Variants in SYNE3 observed in about 807,000 individuals in gnomAD.
SYNE3 encodes spectrin repeat containing nuclear envelope family member 3, also known as nesprin-3.
A neutral mutation model predicts 111.2 loss-of-function variants in SYNE3; 100 were observed. That is an observed-to-expected ratio of 0.90 (90% CI 0.77 to 1.06). The LOEUF (loss-of-function observed/expected upper bound fraction) is 1.06. Among genes scored for constraint, SYNE3 ranks in the 50% least tolerant of loss-of-function variants. The pLI, the probability that SYNE3 is intolerant of heterozygous loss-of-function variation, is 0.00. For missense variants in SYNE3, 1,160 were observed against 1,240.3 expected (o/e 0.94, Z 0.97); for synonymous variants, 547 against 533.9 (o/e 1.02, Z -0.34).
At chr14:95,492,721 TAA>T (rs768784344) in intron 1 of SYNE3, among the ~76,000 whole-genome samples, 2 of 152,164 alleles carry the variant, frequency 1.3e-5, no homozygotes, top group Non-Finnish European at 2.9e-5. Context: ...GTGAATATAC[TAA>T]GAGGCATTGA....
At chr14:95,476,143 T>C (rs1227083417) in intron 1 of SYNE3, among the ~76,000 whole-genome samples, 1 of 152,260 alleles carries the variant, frequency 6.6e-6, no homozygotes, top group Non-Finnish European at 1.5e-5. Flanking sequence ...CTCGTCTGTC[T>C]ATTCAGATTG....
At chr14:95,462,932 G>A (rs772326035) in intron 4 of SYNE3, among the ~76,000 whole-genome samples, 1 of 152,190 alleles carries the variant, frequency 6.6e-6, no homozygotes, top group African/African-American at 2.4e-5. Flanking sequence ...GGCCAAGGCG[G>A]ATCACCTGAG....
intron 17 of SYNE3, chr14:95,429,836 C>CT (rs1885645689): frequency 4.3e-6 from 3 of 699,030 alleles, no homozygotes; most frequent in Non-Finnish European, 5.3e-6. Context: ...GAGATTCCCA[C>CT]TGTGCTACTG....
chr14:95,454,070 T>G (rs987173274), intron 6 of SYNE3, among the ~76,000 whole-genome samples: 16 of 152,240 alleles, frequency 1.1e-4, no homozygotes, highest in African/African-American at 3.1e-4. Flanking sequence ...ACTTCAACCT[T>G]TGCTGCAAAC....
chr14:95,455,371 G>C lies in SYNE3; in HGVS notation c.1137+6C>G, dbSNP rs754356603. 6 of 1,524,188 alleles carry C rather than the reference G, an allele frequency of 3.9e-6. No individual in the cohort carries two copies. The highest frequency in any genetic ancestry group is 5.3e-6 in the Non-Finnish European group (6 of 1,136,764). 94.4% of individuals were successfully genotyped at this position (1,524,188 alleles called of 1,614,324 possible). A position where few individuals can be genotyped will look rare whatever the true frequency, so the allele number is the denominator to read the frequency against. On this transcript the variant is annotated splice_donor_region_variant and intron_variant, in intron 6 of 17. Coordinates refer to ENST00000682763, the MANE Select transcript of SYNE3 (RefSeq NM_152592.6). Reference sequence around the variant, plus strand: ...TGGGCTCCATGACTCGGCCAAGCACGCTTACCGAGTAGCGTCTCCAGTGTG... The same window carrying C: ...TGGGCTCCATGACTCGGCCAAGCACCCTTACCGAGTAGCGTCTCCAGTGTG...
In SYNE3 at chr14:95,466,039, C is replaced by A; in HGVS notation, c.519G>T (p.Leu173=). 6.2e-7 allele frequency: 1 copy of A among 1,612,778 alleles called. No homozygotes were observed. The highest frequency in any genetic ancestry group is 8.5e-7 in the Non-Finnish European group (1 of 1,178,838). The change falls in exon 4 of 18, where the codon CTG becomes CTT. Residue 173 remains leucine, a synonymous_variant. Transcript: ENST00000682763. ...VDNQAVLLDR[L]LEEAASLFNR... is the part of the protein sequence containing the mutation. ...TGAACAGGGAGGCTGCCTCCTCCAGCAGCCGGTCCAGGAGCACCGCCTGGT... is the reference window on the plus strand; with the variant it reads ...TGAACAGGGAGGCTGCCTCCTCCAGAAGCCGGTCCAGGAGCACCGCCTGGT...
rs773420568 is a variant in SYNE3 at position 95,467,858 on chromosome 14, G to A, written c.254C>T (p.Ala85Val). ...TTGGGCCTTGATGTCCTTCAGCCGG[G>A]CCAGGATCCCGGGCTTCTGGTCCCC... ...CPGDQKPGIL[A>V]RLKDIKAQWE... Residue 85 changes from alanine (A) to valine (V), a missense_variant, in exon 3 of 18, where the codon GCC (alanine) becomes GTC (valine). Physicochemically the swap from Ala to Val is moderately conservative, Grantham distance 64. Transcript: ENST00000682763. 1.1e-5 allele frequency: 18 copies of A among 1,614,072 alleles called. No individual in the cohort carries two copies. Among genetic ancestry groups the A allele is most frequent in the Non-Finnish European group, 1.5e-5 (18 of 1,180,042 alleles).
At chr14:95,464,587 T>C (rs1888045688) in intron 4 of SYNE3, among the ~76,000 whole-genome samples, 1 of 152,256 alleles carries the variant, frequency 6.6e-6, no homozygotes, top group African/African-American at 2.4e-5. Flanking sequence ...TGATTCTGGC[T>C]TGGGGTTCAC....
intron 16 of SYNE3, among the ~76,000 whole-genome samples, chr14:95,432,541 C>T (rs1166290692): frequency 6.6e-6 from 1 of 152,140 alleles, no homozygotes; most frequent in Non-Finnish European, 1.5e-5. Flanking sequence ...TCAGTTTCCT[C>T]ATTGGTTCAC....
chr14:95,415,276 G>GCCCCCGGGGGGGGGGGGGGGGCCCCCCC lies in SYNE3; in HGVS notation c.*2549_*2550insGGGGGGGCCCCCCCCCCCCCCCCGGGGG. The GCCCCCGGGGGGGGGGGGGGGGCCCCCCC allele has an allele frequency of 7.2e-6, 1 of 139,700 alleles. No homozygotes were observed. Among genetic ancestry groups the GCCCCCGGGGGGGGGGGGGGGGCCCCCCC allele is most frequent in the South Asian group, 2.4e-4 (1 of 4,158 alleles). 8.7% of individuals were successfully genotyped at this position (139,700 alleles called of 1,614,324 possible). ...CATAGGAAAGTGGACACCTGGCAAGGCCCCCCCACCCACCCACCCTGCCAC... is the reference window on the plus strand; with the variant it reads ...CATAGGAAAGTGGACACCTGGCAAGGCCCCCGGGGGGGGGGGGGGGGCCCCCCCCCCCCCCACCCACCCACCCTGCCAC... On this transcript the variant is annotated 3_prime_UTR_variant, in exon 18 of 18. Coordinates refer to ENST00000682763, the MANE Select transcript of SYNE3 (RefSeq NM_152592.6).
chr14:95,452,491 A>G, intron 6 of SYNE3, 108 bp from the exon 7 acceptor site: 1 of 1,356,098 alleles, frequency 7.4e-7, no homozygotes, highest in African/African-American at 1.5e-5. Context: ...GGCTAGGAAG[A>G]AACTGTCACC....
At chr14:95,496,675 G>A (rs997869307) in intron 1 of SYNE3, among the ~76,000 whole-genome samples, 3 of 152,230 alleles carry the variant, frequency 2.0e-5, no homozygotes, top group Admixed American at 6.5e-5. Context: ...GCAATCCACA[G>A]TGTCCATCAT....
chr14:95,433,432 G>T (rs200719423), intron 15 of SYNE3, 23 bp from the exon 16 acceptor site: 2 of 1,612,600 alleles, frequency 1.2e-6, no homozygotes, highest in Non-Finnish European at 1.7e-6. Flanking sequence ...GCAGCGTCAT[G>T]GTGCGGCTTC....
intron 1 of SYNE3, among the ~76,000 whole-genome samples, chr14:95,509,176 G>C (rs1442043959): frequency 1.3e-5 from 2 of 152,196 alleles, no homozygotes; most frequent in Non-Finnish European, 2.9e-5. Flanking sequence ...CAACCCTGTA[G>C]GAGGTGACTG....
chr14:95,515,155 A>T (rs1019101499), intron 1 of SYNE3, among the ~76,000 whole-genome samples: 2 of 152,176 alleles, frequency 1.3e-5, no homozygotes, highest in Non-Finnish European at 2.9e-5. Context: ...TTCCAGAAAT[A>T]AGACATCCCA....
At position 95,407,942 on chromosome 14, in the gene SYNE3, T is replaced by A. The variant is rs1382703489; in HGVS notation, c.*9884A>T. The A allele has an allele frequency of 2.6e-5, 4 of 151,794 alleles. No homozygotes were observed. The highest frequency in any genetic ancestry group is 5.9e-5 in the Non-Finnish European group (4 of 67,954). 9.4% of individuals were successfully genotyped at this position (151,794 alleles called of 1,614,324 possible). ...CACATAGACTTAGCTTAGGGTAGAG[T>A]GAACTTGTTTATGAGAACCTCGTTT... On this transcript the variant is annotated 3_prime_UTR_variant, in exon 18 of 18. Transcript: ENST00000682763.
At chr14:95,457,901 C>T (rs1458135939) in intron 4 of SYNE3, among the ~76,000 whole-genome samples, 2 of 152,148 alleles carry the variant, frequency 1.3e-5, no homozygotes, top group Non-Finnish European at 2.9e-5. Flanking sequence ...TGCTAGAAAC[C>T]AGCATTTCTA....
intron 14 of SYNE3, chr14:95,437,657 GTTTT>G (rs34123937): frequency 6.6e-6 from 1 of 151,888 alleles, no homozygotes; most frequent in African/African-American, 2.4e-5. Flanking sequence ...GGTGCACCAT[GTTTT>G]TTTTGTTTGT....
intron 3 of SYNE3, 121 bp from the exon 4 acceptor site, chr14:95,466,361 CCT>C (rs1373191148): frequency 8.5e-7 from 1 of 1,175,238 alleles, no homozygotes; most frequent in Non-Finnish European, 1.2e-6. Context: ...ATGATGATGC[CCT>C]TTCTGGCCTC....
Sources: allele counts gnomAD v4.1 joint callset (sites outside exome capture counted in the v4.1 genomes callset), GRCh38; gene constraint gnomAD v4.1.1; transcripts MANE v1.5; gene names NCBI Gene and HGNC (gene_info 2026-07-23, HGNC 2026-07-21).